Variants in CELF1 observed in about 807,000 individuals in gnomAD.
CELF1 encodes 50 kDa nuclear polyadenylated RNA-binding protein.
CELF1 carries 10 observed loss-of-function variants against 61.8 expected under a neutral mutation model. The observed-to-expected ratio is 0.16, with a 90% CI of 0.10 to 0.27. CELF1 has a LOEUF of 0.27. Among genes scored for constraint, CELF1 ranks in the 10% least tolerant of loss-of-function variants. The pLI, the probability that CELF1 is intolerant of heterozygous loss-of-function variation, is 1.00. For missense variants in CELF1, 380 were observed against 639.1 expected, an observed-to-expected ratio of 0.59 and a Z score of 4.37; for synonymous variants, 236 against 225.1, an observed-to-expected ratio of 1.05 and a Z score of -0.43.
At chr11:47,494,519 T>C in intron 3 of CELF1, 1 of 979,140 alleles carries the variant, frequency 1.0e-6, no homozygotes, top group Non-Finnish European at 1.2e-6. Flanking sequence ...ATTTTCAAAG[T>C]ATGTATTTGT....
chr11:47,531,476 G>C (rs918442552), intron 1 of CELF1, among the ~76,000 whole-genome samples: 1 of 152,006 alleles, frequency 6.6e-6, no homozygotes, highest in Non-Finnish European at 1.5e-5. Flanking sequence ...GGCTGAGGTA[G>C]GAGAATTGCT....
At chr11:47,552,602 G>A (rs973385093) in intron 1 of CELF1, among the ~76,000 whole-genome samples, 2 of 152,322 alleles carry the variant, frequency 1.3e-5, no homozygotes, top group African/African-American at 4.8e-5. Flanking sequence ...GCAGAGATGG[G>A]GTGTCCCGGG....
At chr11:47,493,135 A>G (rs1379023952) in intron 3 of CELF1, among the ~76,000 whole-genome samples, 1 of 152,082 alleles carries the variant, frequency 6.6e-6, no homozygotes, top group Non-Finnish European at 1.5e-5. Flanking sequence ...GCTCTTCTTT[A>G]GCTCTCCAAA....
At chr11:47,472,503 A>G in intron 14 of CELF1, 146 bp from the exon 15 acceptor site, 1 of 859,746 alleles carries the variant, frequency 1.2e-6, no homozygotes, top group Non-Finnish European at 1.8e-6. Context: ...ATGTCATACG[A>G]AATAAATTAG....
Position 47,466,156 on chromosome 11 carries a change from C to T in CELF1, c.*6074G>A, listed in dbSNP as rs1053131180. On this transcript the variant is annotated 3_prime_UTR_variant, in exon 15 of 15. Coordinates refer to ENST00000687097, the MANE Select transcript of CELF1 (RefSeq NM_001376376.1). ...TTTTTTTTTCTTTTTAAATTCACTA[C>T]ACAAACTCTGTGATTAGGTAAGAAA... 6.6e-6 allele frequency: 1 copy of T among 152,158 alleles called. No individual in the cohort carries two copies. Among genetic ancestry groups the T allele is most frequent in the African/African-American group, 2.4e-5 (1 of 41,446 alleles). 9.4% of individuals were successfully genotyped at this position (152,158 alleles called of 1,614,324 possible).
At chr11:47,499,411 T>G (rs2093620173) in intron 3 of CELF1, 42 bp downstream of exon 3, 1 of 1,460,910 alleles carries the variant, frequency 6.8e-7, no homozygotes, top group Admixed American at 2.0e-5. Context: ...AACAGCCCAG[T>G]TCCTCTGCTT....
At chr11:47,529,484 C>T (rs963952353) in intron 1 of CELF1, among the ~76,000 whole-genome samples, 1 of 151,992 alleles carries the variant, frequency 6.6e-6, no homozygotes, top group Non-Finnish European at 1.5e-5. Context: ...GCCAGGAGTT[C>T]GAGAGCAGCC....
chr11:47,562,018 G>C (rs2097227166), intron 2 of CELF1, among the ~76,000 whole-genome samples: 1 of 151,846 alleles, frequency 6.6e-6, no homozygotes, highest in African/African-American at 2.4e-5. Context: ...CCTGAGGTCG[G>C]GAGTTCGAGA....
chr11:47,548,901 G>C (rs1475746357), intron 1 of CELF1, among the ~76,000 whole-genome samples: 1 of 136,066 alleles, frequency 7.3e-6, no homozygotes, highest in Non-Finnish European at 1.6e-5. Context: ...AAAATATAAA[G>C]AACTTCTATA....
intron 1 of CELF1, among the ~76,000 whole-genome samples, chr11:47,542,826 G>A (rs1370935215): frequency 6.6e-6 from 1 of 152,088 alleles, no homozygotes; most frequent in Admixed American, 6.6e-5. Context: ...GCTGGACTGT[G>A]CTCATCTTTA....
intron 11 of CELF1, 79 bp from the exon 12 acceptor site, chr11:47,477,038 G>T: frequency 8.1e-7 from 1 of 1,236,982 alleles, no homozygotes; most frequent in Non-Finnish European, 1.2e-6. Flanking sequence ...CACTATCCAA[G>T]TATGCTATTT....
In CELF1 at chr11:47,485,604, CAG is replaced by C. The variant is rs531032464; in HGVS notation, c.392-1083_392-1082del. ...TTCTGAATTTTTTTTTTTTTTGAGACAGAGTCTTGCTCTGTCACCCAGGCTGG... is the reference window on the plus strand; with the variant it reads ...TTCTGAATTTTTTTTTTTTTTGAGACAGTCTTGCTCTGTCACCCAGGCTGG... On this transcript the variant is annotated intron_variant, in intron 6 of 14. Transcript: ENST00000687097. Among the ~76,000 whole-genome samples, 286 of 145,428 alleles carry C rather than the reference CAG, an allele frequency of 2.0e-3. 1 individual carries two copies. Among genetic ancestry groups the C allele is most frequent in the Middle Eastern group, 0.017 (4 of 236 alleles).
At chr11:47,538,555 A>C (rs60582355) in intron 1 of CELF1, among the ~76,000 whole-genome samples, 3,206 of 150,222 alleles carry the variant, frequency 0.021, 73 homozygotes, top group African/African-American at 0.062. Context: ...AGGCAGGAGA[A>C]TGGCGTGAAC....
intron 1 of CELF1, chr11:47,524,765 G>T (rs1366265984): frequency 1.3e-5 from 2 of 152,228 alleles, no homozygotes; most frequent in African/African-American, 2.4e-5. Flanking sequence ...TGCTCAGAGA[G>T]GGAGGAGCAG....
chr11:47,473,012 C>T (rs1433351565), intron 14 of CELF1, 76 bp downstream of exon 14: 1 of 1,510,498 alleles, frequency 6.6e-7, no homozygotes, highest in East Asian at 2.3e-5. Flanking sequence ...ATATTCAGAT[C>T]TTTCTGCAGT....
Position 47,475,391 on chromosome 11 carries a change from G to A in CELF1, c.1218C>T (p.Tyr406=). 6.2e-7 allele frequency: 1 copy of A among 1,614,090 alleles called. No homozygotes were observed. ...TCTGCTGTGTCAGAAGATTCTGGTT[G>A]TACAGAGTGGGGAGCGCAGCAGCAG... ...QYAAAALPTL[Y]NQNLLTQQSI... The change falls in exon 13 of 15, where the codon TAC becomes TAT. Residue 406 remains tyrosine (Y), a synonymous_variant. Coordinates refer to ENST00000687097, the MANE Select transcript of CELF1 (RefSeq NM_001376376.1).
At chr11:47,562,774 G>A (rs1565923854) in intron 2 of CELF1, among the ~76,000 whole-genome samples, 1 of 151,386 alleles carries the variant, frequency 6.6e-6, no homozygotes, top group Non-Finnish European at 1.5e-5. Flanking sequence ...GCGCGATCTT[G>A]GCTTATCACA....
chr11:47,541,829 A>G (rs1270297913), intron 1 of CELF1, among the ~76,000 whole-genome samples: 1 of 150,330 alleles, frequency 6.7e-6, no homozygotes, highest in Admixed American at 6.7e-5. Flanking sequence ...AAAGAAAGAA[A>G]GAAAGAAAAT....
intron 3 of CELF1, among the ~76,000 whole-genome samples, chr11:47,494,689 T>C (rs1185357097): frequency 2.0e-5 from 3 of 152,182 alleles, no homozygotes; most frequent in African/African-American, 7.2e-5. Context: ...CTTAACCCAA[T>C]GGCAAGCTGA....
Sources: allele counts gnomAD v4.1 joint callset (sites outside exome capture counted in the v4.1 genomes callset), GRCh38; gene constraint gnomAD v4.1.1; transcripts MANE v1.5; gene names NCBI Gene and HGNC (gene_info 2026-07-23, HGNC 2026-07-21).